Variants in PDE1A observed in about 807,000 individuals in gnomAD.
PDE1A encodes phosphodiesterase 1A.
A neutral mutation model predicts 61.7 loss-of-function variants in PDE1A; 35 were observed. The observed-to-expected ratio is 0.57, with a 90% CI of 0.43 to 0.75. The LOEUF is 0.75. Among genes scored for constraint, PDE1A ranks in the 30% least tolerant of loss-of-function variants. PDE1A has a pLI of 0.00. For missense variants in PDE1A, 597 were observed against 630.6 expected (o/e 0.95, Z 0.57); for synonymous variants, 232 against 213.2 (o/e 1.09, Z -0.77).
chr2:182,638,297 G>T, the PDE1A span, among the ~76,000 whole-genome samples: 1 of 152,142 alleles, frequency 6.6e-6, no homozygotes, highest in Non-Finnish European at 1.5e-5. Flanking sequence ...CCAGCACTTT[G>T]GGAGGCCAAG....
intron 1 of PDE1A, among the ~76,000 whole-genome samples, chr2:182,321,703 T>A (rs1696704249): frequency 6.6e-6 from 1 of 152,132 alleles, no homozygotes; most frequent in Admixed American, 6.6e-5. Flanking sequence ...AAATTATTCC[T>A]TTAGGACTTG....
intron 13 of PDE1A, among the ~76,000 whole-genome samples, chr2:182,171,631 G>A (rs1692223968): frequency 6.6e-6 from 1 of 151,616 alleles, no homozygotes; most frequent in Non-Finnish European, 1.5e-5. Context: ...CCAATAATTT[G>A]GAAGTATTTT....
At chr2:182,250,649 GAGA>G (rs751461944) in intron 2 of PDE1A, among the ~76,000 whole-genome samples, 1 of 151,842 alleles carries the variant, frequency 6.6e-6, no homozygotes, top group South Asian at 2.1e-4. Context: ...TTTTAACTGT[GAGA>G]AGATGACCAT....
chr2:182,140,049 T>G (rs999622069), exon 15 of PDE1A: 1 of 152,266 alleles, frequency 6.6e-6, no homozygotes, highest in Non-Finnish European at 1.5e-5. Flanking sequence ...GCAATGTTTA[T>G]AAACTTGTTT....
intron 1 of PDE1A, among the ~76,000 whole-genome samples, chr2:182,337,846 C>A (rs1446736646): frequency 2.0e-5 from 3 of 152,072 alleles, no homozygotes; most frequent in Non-Finnish European, 4.4e-5. Context: ...AAGTGTGATA[C>A]CCCTCTGTTA....
chr2:182,584,566 G>T, the PDE1A span, among the ~76,000 whole-genome samples: 1 of 152,194 alleles, frequency 6.6e-6, no homozygotes, highest in Admixed American at 6.5e-5. Context: ...TGAGACAGAC[G>T]GTGGCTGTCG....
At chr2:182,636,403 G>T in the PDE1A span, among the ~76,000 whole-genome samples, 1 of 152,028 alleles carries the variant, frequency 6.6e-6, no homozygotes, top group African/African-American at 2.4e-5. Context: ...AAGGAAAACA[G>T]CATAATCCTG....
chr2:182,197,248 G>T (rs1686207604), intron 10 of PDE1A, among the ~76,000 whole-genome samples: 1 of 151,298 alleles, frequency 6.6e-6, no homozygotes, highest in Non-Finnish European at 1.5e-5. Context: ...CATTCAAATT[G>T]GCCTGATTTT....
intron 2 of PDE1A, among the ~76,000 whole-genome samples, chr2:182,474,271 G>C (rs144080332): frequency 1.3e-3 from 192 of 152,038 alleles, no homozygotes; most frequent in African/African-American, 4.4e-3. Context: ...GCTAAGAAAG[G>C]CTCTTTCAGA....
chr2:182,280,827 A>T (rs1693754538), intron 1 of PDE1A, among the ~76,000 whole-genome samples: 1 of 151,494 alleles, frequency 6.6e-6, no homozygotes, highest in African/African-American at 2.4e-5. Context: ...GTAAGATTTT[A>T]TTTTTTTTGC....
chr2:182,649,124 T>C, the PDE1A span, among the ~76,000 whole-genome samples: 2 of 152,072 alleles, frequency 1.3e-5, no homozygotes, highest in Non-Finnish European at 2.9e-5. Context: ...TCTTCAGGCA[T>C]AGAAAGAAGA....
the PDE1A span, among the ~76,000 whole-genome samples, chr2:182,599,067 G>T: frequency 6.6e-6 from 1 of 152,262 alleles, no homozygotes; most frequent in South Asian, 2.1e-4. Flanking sequence ...TTCTGAGTTG[G>T]GGCAGGAGCT....
At chr2:182,154,181 A>T (rs1690940442) in intron 13 of PDE1A, among the ~76,000 whole-genome samples, 3 of 152,202 alleles carry the variant, frequency 2.0e-5, no homozygotes, top group Admixed American at 1.3e-4. Flanking sequence ...CAACAACAAC[A>T]AAACAAACTT....
chr2:182,460,705 C>G (rs1051549953), intron 2 of PDE1A, among the ~76,000 whole-genome samples: 7 of 152,168 alleles, frequency 4.6e-5, no homozygotes, highest in African/African-American at 1.7e-4. Flanking sequence ...AATAGAGCCT[C>G]TAATGTTCAA....
intron 13 of PDE1A, among the ~76,000 whole-genome samples, chr2:182,183,932 T>A (rs1276448029): frequency 7.2e-6 from 1 of 139,820 alleles, no homozygotes; most frequent in African/African-American, 2.7e-5. Context: ...AACTTGAAGA[T>A]AAATCATTAG....
At chr2:182,356,385 C>T (rs1334836460) in intron 1 of PDE1A, among the ~76,000 whole-genome samples, 1 of 151,950 alleles carries the variant, frequency 6.6e-6, no homozygotes, top group African/African-American at 2.4e-5. Flanking sequence ...AACGTAAAAT[C>T]GTATATTAAG....
intron 1 of PDE1A, among the ~76,000 whole-genome samples, chr2:182,325,463 A>C (rs190751476): frequency 1.3e-5 from 2 of 152,328 alleles, no homozygotes; most frequent in Non-Finnish European, 2.9e-5. Flanking sequence ...ACAATGGAAA[A>C]AAATTGAGTT....
intron 1 of PDE1A, among the ~76,000 whole-genome samples, chr2:182,296,968 C>G (rs1000067871): frequency 6.6e-6 from 1 of 152,154 alleles, no homozygotes; most frequent in African/African-American, 2.4e-5. Context: ...ACAGGCTGCT[C>G]TGGTTCTCAG....
At chr2:182,624,493 C>G in the PDE1A span, among the ~76,000 whole-genome samples, 1 of 152,210 alleles carries the variant, frequency 6.6e-6, no homozygotes, top group African/African-American at 2.4e-5. Flanking sequence ...GACCAATGAA[C>G]ACTATTTCCA....
Sources: allele counts gnomAD v4.1 joint callset (sites outside exome capture counted in the v4.1 genomes callset), GRCh38; gene constraint gnomAD v4.1.1; transcripts MANE v1.5; gene names NCBI Gene and HGNC (gene_info 2026-07-23, HGNC 2026-07-21).